The following ACTL6B variants were observed in gnomAD, a reference collection of about 807,000 sequenced individuals.
ACTL6B encodes the protein actin like 6B, also known as actin-like protein 6B.
A neutral mutation model predicts 63.3 loss-of-function variants in ACTL6B; 48 were observed. The ratio of observed to expected loss-of-function variants is 0.76; its 90% CI spans 0.60 to 0.96. The LOEUF (loss-of-function observed/expected upper bound fraction) is 0.96. Ranked by LOEUF, ACTL6B falls within the 50% of genes least tolerant of loss-of-function variation. The pLI, the probability that ACTL6B is intolerant of heterozygous loss-of-function variation, is 0.00. For missense variants in ACTL6B, 350 were observed against 572.2 expected (o/e 0.61, Z 3.96); for synonymous variants, 230 against 223.8 (o/e 1.03, Z -0.25).
chr7:100,654,935 TGAGGGGA>T (rs1229985644), intron 4 of ACTL6B, 77 bp downstream of exon 4: 26 of 1,179,224 alleles, frequency 2.2e-5, no homozygotes, highest in Non-Finnish European at 3.2e-5. Flanking sequence ...AGCAGTGGCT[TGAGGGGA>T]GAGGAGGAGA....
In ACTL6B at chr7:100,655,360, A is replaced by G; in HGVS notation, c.268+61T>C. ...TCCGCGGGGAGTGGGGGCTGCTATG[A>G]CCCAGATTGTGGGGAGCGGGCTCCT... is the stretch of plus-strand genomic sequence containing the variant. On this transcript the variant is annotated intron_variant, in intron 3 of 13. Coordinates refer to ENST00000160382, the MANE Select transcript of ACTL6B (RefSeq NM_016188.5). The surrounding 1 kb of genome is among the most constrained non-coding windows in gnomAD (Gnocchi z 4.4). 6.4e-7 allele frequency: 1 copy of G among 1,562,082 alleles called. No homozygotes were observed. The highest frequency in any genetic ancestry group is 1.2e-5 in the South Asian group (1 of 85,792).
chr7:100,655,764 G>C lies in ACTL6B; in HGVS notation c.102+39C>G. On this transcript the variant is annotated intron_variant, in intron 2 of 13. Coordinates refer to ENST00000160382, the MANE Select transcript of ACTL6B (RefSeq NM_016188.5). This position sits in a 1 kb window ranked among gnomAD's most constrained non-coding sequence, Gnocchi z 4.4. ...CACTGGAAAGCCTGAAGAAGGGTCC[G>C]AAGCCCCTAGGATTTGGAGAGGAGA... 6.5e-7 allele frequency: 1 copy of C among 1,548,396 alleles called. No homozygotes were observed.
chr7:100,652,224 C>A (rs557042649), intron 4 of ACTL6B, among the ~76,000 whole-genome samples: 26 of 152,030 alleles, frequency 1.7e-4, no homozygotes, highest in African/African-American at 5.5e-4. Context: ...CGGTGAAACC[C>A]CGCCTCTACT....
In ACTL6B at chr7:100,647,504, G is replaced by GT; in HGVS notation, c.698dup (p.Asn233LysfsTer17). The GT allele has an allele frequency of 6.2e-7, 1 of 1,609,158 alleles. No individual in the cohort carries two copies. The highest frequency in any genetic ancestry group is 1.1e-5 in the South Asian group (1 of 90,046). ...GGGGTAGCTTCTCCTTCTTCTTCCA[G>GT]TTTGGGGGGGCACCCTCCCGGACAG... On this transcript the variant is annotated frameshift_variant, in exon 8 of 14. Transcript: ENST00000160382. LOFTEE classifies it high-confidence loss of function. This position sits in a 1 kb window ranked among gnomAD's most constrained non-coding sequence, Gnocchi z 4.4.
chr7:100,648,608 AGCTCCCG>A lies in ACTL6B; in HGVS notation c.610_616del (p.Arg204CysfsTer14), dbSNP rs755470373. 1 of 1,612,984 alleles carries A rather than the reference AGCTCCCG, an allele frequency of 6.2e-7. No individual in the cohort carries two copies. The highest frequency in any genetic ancestry group is 1.3e-5 in the African/African-American group (1 of 75,010). ...GATGTCAATGGCCATCTCCTGGAAC[AGCTCCCG>A]GCACTGCATGGAGATGAAGTCCCCT... is the stretch of plus-strand genomic sequence containing the variant. On this transcript the variant is annotated frameshift_variant, in exon 7 of 14. Transcript: ENST00000160382. LOFTEE classifies it high-confidence loss of function. This position sits in a 1 kb window ranked among gnomAD's most constrained non-coding sequence, Gnocchi z 4.4.
intron 13 of ACTL6B, 116 bp from the exon 14 acceptor site, chr7:100,643,442 C>T: frequency 1.1e-6 from 1 of 950,402 alleles, no homozygotes; most frequent in Non-Finnish European, 1.6e-6. Flanking sequence ...GTTCACATCC[C>T]TCTGAAGCCC....
chr7:100,656,239 G>A, intron 1 of ACTL6B, 91 bp downstream of exon 1: 3 of 1,315,368 alleles, frequency 2.3e-6, no homozygotes, highest in South Asian at 1.9e-5. Context: ...CGTGCGCGGA[G>A]GTGACAGGCC....
At position 100,648,635 on chromosome 7, in the gene ACTL6B, T is replaced by A; in HGVS notation, c.590A>T (p.Asp197Val). The A allele has an allele frequency of 6.2e-7, 1 of 1,612,330 alleles. No homozygotes were observed. Among genetic ancestry groups the A allele is most frequent in the Non-Finnish European group, 8.5e-7 (1 of 1,179,058 alleles). The change falls in exon 7 of 14, where the codon GAC becomes GTC. Residue 197 changes from aspartate to valine, a missense_variant. This residue lies in a region of ACTL6B where 250 missense variants were observed against 364.7 expected (regional missense o/e 0.69). Coordinates refer to ENST00000160382, the MANE Select transcript of ACTL6B (RefSeq NM_016188.5). The surrounding 1 kb of genome is among the most constrained non-coding windows in gnomAD (Gnocchi z 4.4). ...QGIVKSPLAGDFISMQCRELF... is the reference protein window; with the variant it reads ...QGIVKSPLAGVFISMQCRELF... ...CTCCCGGCACTGCATGGAGATGAAG[T>A]CCCCTGCCAGAGGGGACTTGACGAT...
chr7:100,654,277 T>A (rs1165812983), intron 4 of ACTL6B, among the ~76,000 whole-genome samples: 2 of 149,694 alleles, frequency 1.3e-5, no homozygotes, highest in East Asian at 4.1e-4. Context: ...CGGCAAAAAA[T>A]TTTTAATTTT....
In ACTL6B at chr7:100,646,340, G is replaced by C; in HGVS notation, c.1114-5C>G. On this transcript the variant is annotated splice_region_variant and splice_polypyrimidine_tract_variant and intron_variant, in intron 12 of 13. Transcript: ENST00000160382. This position sits in a 1 kb window ranked among gnomAD's most constrained non-coding sequence, Gnocchi z 6.1. The stretch of plus-strand genomic sequence containing the variant: ...AATGAGTTTCAGTCGCATGCTCTGG[G>C]GGTAAAAAGGGGCTGGGGGAAGCAG... 1 of 1,613,524 alleles carries C rather than the reference G, an allele frequency of 6.2e-7. No homozygotes were observed. Among genetic ancestry groups the C allele is most frequent in the Non-Finnish European group, 8.5e-7 (1 of 1,179,760 alleles).
At chr7:100,653,247 A>G (rs1471139765) in intron 4 of ACTL6B, among the ~76,000 whole-genome samples, 1 of 151,980 alleles carries the variant, frequency 6.6e-6, no homozygotes, top group East Asian at 1.9e-4. Flanking sequence ...AGGAGTTTGA[A>G]GCCAGCCTGG....
chr7:100,648,503 T>G lies in ACTL6B; in HGVS notation c.669+53A>C. The G allele has an allele frequency of 6.9e-7, 1 of 1,458,466 alleles. No individual in the cohort carries two copies. Among genetic ancestry groups the G allele is most frequent in the Non-Finnish European group, 9.3e-7 (1 of 1,080,488 alleles). The allele number at this position is 1,458,466 out of a possible 1,614,324, so 90.3% of individuals were successfully genotyped here. On this transcript the variant is annotated intron_variant, in intron 7 of 13. Transcript: ENST00000160382. This position sits in a 1 kb window ranked among gnomAD's most constrained non-coding sequence, Gnocchi z 4.4. ...TCATGTGTCAGAGGGTTGACGGCCA[T>G]GGGGCGAGTGGCCAGGACTCTAGTG...
At chr7:100,656,233 C>A in intron 1 of ACTL6B, 97 bp downstream of exon 1, 1 of 1,289,458 alleles carries the variant, frequency 7.8e-7, no homozygotes. Context: ...CCCGCTCGTG[C>A]GCGGAGGTGA....
intron 4 of ACTL6B, among the ~76,000 whole-genome samples, chr7:100,650,464 T>G (rs1403634611): frequency 6.6e-6 from 1 of 151,282 alleles, no homozygotes; most frequent in Non-Finnish European, 1.5e-5. Flanking sequence ...CAAACACATA[T>G]ATACTCACAT....
chr7:100,648,509 G>C lies in ACTL6B; in HGVS notation c.669+47C>G. 1 of 1,478,954 alleles carries C rather than the reference G, an allele frequency of 6.8e-7. No individual in the cohort carries two copies. Among genetic ancestry groups the C allele is most frequent in the South Asian group, 1.3e-5 (1 of 76,296 alleles). The allele number at this position is 1,478,954 out of a possible 1,614,324, so 91.6% of individuals were successfully genotyped here. ...GTCAGAGGGTTGACGGCCATGGGGC[G>C]AGTGGCCAGGACTCTAGTGGCAGCT... On this transcript the variant is annotated intron_variant, in intron 7 of 13. Coordinates refer to ENST00000160382, the MANE Select transcript of ACTL6B (RefSeq NM_016188.5). This position sits in a 1 kb window ranked among gnomAD's most constrained non-coding sequence, Gnocchi z 4.4.
chr7:100,652,843 A>G lies in ACTL6B; in HGVS notation c.369+2176T>C, dbSNP rs532350940. 1.7e-3 allele frequency among the ~76,000 whole-genome samples: 248 copies of G among 150,272 alleles called. 1 individual carries two copies. Among genetic ancestry groups the G allele is most frequent in the Admixed American group, 3.9e-3 (58 of 15,008 alleles). ...TGGTGAAACCCCGTCTCTACTAAAA[A>G]TACAAAAATTAGCTGGGCGTGGTGG... On this transcript the variant is annotated intron_variant, in intron 4 of 13. Transcript: ENST00000160382.
At chr7:100,652,178 C>T (rs551941454) in intron 4 of ACTL6B, among the ~76,000 whole-genome samples, 4 of 151,780 alleles carry the variant, frequency 2.6e-5, no homozygotes, top group East Asian at 1.9e-4. Flanking sequence ...GCCGGCGGAT[C>T]GCGAGGTCAG....
Position 100,647,303 on chromosome 7 carries a change from T to C in ACTL6B, c.760-19A>G. 1 of 1,612,678 alleles carries C rather than the reference T, an allele frequency of 6.2e-7. No homozygotes were observed. The highest frequency in any genetic ancestry group is 8.5e-7 in the Non-Finnish European group (1 of 1,179,762). On this transcript the variant is annotated intron_variant, in intron 8 of 13. Coordinates refer to ENST00000160382, the MANE Select transcript of ACTL6B (RefSeq NM_016188.5). This position sits in a 1 kb window ranked among gnomAD's most constrained non-coding sequence, Gnocchi z 4.4. ...TCACCTCCTGAAATCCCAGCGGAGG[T>C]GGTGAGGGCCTGCCTTCCCCGTGAG...
chr7:100,649,999 G>A, intron 5 of ACTL6B, 39 bp downstream of exon 5: 3 of 1,589,044 alleles, frequency 1.9e-6, no homozygotes, highest in Non-Finnish European at 2.6e-6. Flanking sequence ...CCCCACCCCA[G>A]CCCTCCACCC....
Sources: allele counts gnomAD v4.1 joint callset (sites outside exome capture counted in the v4.1 genomes callset), GRCh38; gene constraint gnomAD v4.1.1; regional missense constraint gnomAD v4.1.1; non-coding constraint Gnocchi (gnomAD v3.1); transcripts MANE v1.5; gene names NCBI Gene and HGNC (gene_info 2026-07-23, HGNC 2026-07-21).